ZNF451: variants seen among roughly 807,000 people sequenced by gnomAD.
ZNF451 encodes E3 SUMO-protein ligase ZNF451.
In ZNF451, 80 loss-of-function variants were observed where a neutral mutation model predicts 107.1. That is an observed-to-expected ratio of 0.75 (90% confidence interval 0.62 to 0.90). The LOEUF (loss-of-function observed/expected upper bound fraction) is 0.90, where lower values mean the gene tolerates loss of function less well. Ranked by LOEUF, ZNF451 falls within the 40% of genes least tolerant of loss-of-function variation. The pLI, the probability that ZNF451 is intolerant of heterozygous loss-of-function variation, is 0.00. For synonymous variants in ZNF451, 362 were observed against 406.5 expected (o/e 0.89, Z 1.32); for missense variants, 1,107 against 1,236.2 (o/e 0.90, Z 1.57).
At chr6:57,096,157 TCTTC>T (rs1257040130) in intron 2 of ZNF451, among the ~76,000 whole-genome samples, 9 of 150,754 alleles carry the variant, frequency 6.0e-5, no homozygotes, top group African/African-American at 2.2e-4. Context: ...TCATTTTCTT[TCTTC>T]CTTTCTTTCT....
At position 57,105,324 on chromosome 6, in the gene ZNF451, A is replaced by G. The variant is rs377551980; in HGVS notation, c.186+6183A>G. 3.8e-4 allele frequency: 369 copies of G among 983,832 alleles called. 4 individuals are homozygous for G. In the South Asian group the frequency reaches 0.015, roughly 41 times the overall value. 60.9% of individuals were successfully genotyped at this position (983,832 alleles called of 1,614,324 possible). On this transcript the variant is annotated intron_variant, in intron 3 of 14. Coordinates refer to ENST00000370706, the MANE Select transcript of ZNF451 (RefSeq NM_001031623.3). ...GATTAGATATACAATGTATATAGAGACAATATGGTTTCTTGTAGTTACTGT... is the reference window on the plus strand; with the variant it reads ...GATTAGATATACAATGTATATAGAGGCAATATGGTTTCTTGTAGTTACTGT...
chr6:57,138,733 ATATATATATGTGTGTG>A (rs1199648263), intron 7 of ZNF451, among the ~76,000 whole-genome samples: 19 of 111,064 alleles, frequency 1.7e-4, no homozygotes, highest in East Asian at 7.0e-4. Flanking sequence ...ATATATATAT[ATATATATATGTGTGTG>A]TGTGTGTGTG....
chr6:57,138,733 A>ATGTGTGTG (rs1424146625), intron 7 of ZNF451, among the ~76,000 whole-genome samples: 10 of 111,018 alleles, frequency 9.0e-5, no homozygotes, highest in Admixed American at 9.4e-5. Context: ...ATATATATAT[A>ATGTGTGTG]TATATATATG....
intron 9 of ZNF451, among the ~76,000 whole-genome samples, chr6:57,144,422 G>A (rs1023057354): frequency 6.6e-5 from 10 of 151,316 alleles, no homozygotes; most frequent in African/African-American, 2.4e-4. Flanking sequence ...TGTATTTTTT[G>A]TAGAGACGGG....
At chr6:57,123,208 A>G (rs1830728869) in intron 3 of ZNF451, among the ~76,000 whole-genome samples, 1 of 152,200 alleles carries the variant, frequency 6.6e-6, no homozygotes, top group Non-Finnish European at 1.5e-5. Context: ...AGACACATGT[A>G]TGTTCATAGC....
intron 3 of ZNF451, 109 bp downstream of exon 3, chr6:57,099,250 T>G: frequency 1.2e-6 from 1 of 862,870 alleles, no homozygotes; most frequent in Non-Finnish European, 1.9e-6. Flanking sequence ...TAGCCAGTTC[T>G]ATTAGAATGG....
At chr6:57,096,131 T>A (rs1272643637) in intron 2 of ZNF451, among the ~76,000 whole-genome samples, 1 of 151,356 alleles carries the variant, frequency 6.6e-6, no homozygotes, top group Non-Finnish European at 1.5e-5. Flanking sequence ...CAGCTATTTT[T>A]AAATTATGTT....
intron 3 of ZNF451, chr6:57,103,646 A>T: frequency 1.0e-6 from 1 of 985,392 alleles, no homozygotes; most frequent in African/African-American, 1.7e-5. Context: ...AGCCAAAAAC[A>T]GTTGTTTTTA....
Position 57,090,210 on chromosome 6 carries a change from G to A in ZNF451, c.-44G>A. On this transcript the variant is annotated 5_prime_UTR_variant, in exon 1 of 15. Transcript: ENST00000370706. ...GGGATTCGTGGCGACGGCGGCGGCA[G>A]GGACAGCAGGAGCAGTGGTGCTGTC... 6.3e-7 allele frequency: 1 copy of A among 1,599,036 alleles called. No homozygotes were observed. Among genetic ancestry groups the A allele is most frequent in the African/African-American group, 1.3e-5 (1 of 74,886 alleles).
rs779549662 is a variant in ZNF451, at chr6:57,148,138, CATT to C, written c.2056_2058del (p.Tyr686del). 1.2e-6 allele frequency: 2 copies of C among 1,613,958 alleles called. No homozygotes were observed. The highest frequency in any genetic ancestry group is 1.7e-6 in the Non-Finnish European group (2 of 1,179,960). ...TAATGTGGAAGAAGCATTTCTGAGT[CATT>C]ATGAGGAGCACCACAGCATAGATTA... On this transcript the variant is annotated inframe_deletion, in exon 10 of 15. Coordinates refer to ENST00000370706, the MANE Select transcript of ZNF451 (RefSeq NM_001031623.3).
At chr6:57,112,987 C>G (rs1302379495) in intron 3 of ZNF451, among the ~76,000 whole-genome samples, 4 of 151,832 alleles carry the variant, frequency 2.6e-5, no homozygotes, top group African/African-American at 9.7e-5. Context: ...GCTTTTTGTT[C>G]CTTTTTCTTT....
intron 8 of ZNF451, 73 bp downstream of exon 8, chr6:57,141,528 A>G (rs1001367387): frequency 1.1e-5 from 14 of 1,323,198 alleles, no homozygotes; most frequent in Non-Finnish European, 1.4e-5. Flanking sequence ...TTCTCAGATC[A>G]TTCTTGAGAT....
intron 3 of ZNF451, chr6:57,106,671 T>G (rs1208769943): frequency 1.0e-6 from 1 of 984,884 alleles, no homozygotes; most frequent in East Asian, 1.1e-4. Flanking sequence ...ACTGTTTAGG[T>G]TCTCTTGTCT....
chr6:57,133,560 A>T (rs115986550), intron 6 of ZNF451, among the ~76,000 whole-genome samples: 4,351 of 152,338 alleles, frequency 0.029, 86 homozygotes, highest in Non-Finnish European at 0.047. Context: ...AGCCTGAAGA[A>T]AGGTAATAGG....
chr6:57,159,097 A>G, intron 13 of ZNF451: 1 of 985,422 alleles, frequency 1.0e-6, no homozygotes, highest in Non-Finnish European at 1.2e-6. Context: ...TTCTTTGGGC[A>G]CCATTATAAA....
intron 3 of ZNF451, chr6:57,103,481 A>G (rs747073887): frequency 7.3e-5 from 72 of 985,384 alleles, no homozygotes; most frequent in Non-Finnish European, 8.6e-5. Context: ...AGATACCTCA[A>G]TTATATGTCC....
At chr6:57,163,435 A>ATTTTTTT (rs1562631987) in intron 14 of ZNF451, among the ~76,000 whole-genome samples, 1 of 50,874 alleles carries the variant, frequency 2.0e-5, no homozygotes, top group Non-Finnish European at 4.6e-5. Flanking sequence ...AAATGAATAA[A>ATTTTTTT]CTTTTTTTTT....
intron 3 of ZNF451, chr6:57,105,337 TTGTAGTTACTG>T: frequency 1.0e-6 from 1 of 984,044 alleles, no homozygotes; most frequent in Non-Finnish European, 1.2e-6. Flanking sequence ...ATATGGTTTC[TTGTAGTTACTG>T]TGTATAGAGA....
chr6:57,136,040 C>T (rs1206570992), intron 7 of ZNF451, among the ~76,000 whole-genome samples: 2 of 152,126 alleles, frequency 1.3e-5, no homozygotes, highest in African/African-American at 4.8e-5. Context: ...CCATCTCTGT[C>T]CTGGCACTAG....
Sources: allele counts gnomAD v4.1 joint callset (sites outside exome capture counted in the v4.1 genomes callset), GRCh38; gene constraint gnomAD v4.1.1; transcripts MANE v1.5; gene names NCBI Gene and HGNC (gene_info 2026-07-23, HGNC 2026-07-21).